Variants in FRY observed in about 807,000 individuals in gnomAD.
The protein encoded by FRY is protein furry homolog.
A neutral mutation model predicts 348.4 loss-of-function variants in FRY; 128 were observed. The ratio of observed to expected loss-of-function variants is 0.37; its 90% confidence interval spans 0.32 to 0.43. The LOEUF is 0.43. FRY is among the 20% of genes least tolerant of loss of function. The pLI, the probability that FRY is intolerant of heterozygous loss-of-function variation, is 1.00. For missense variants in FRY, 2,736 were observed against 3,695.2 expected, an observed-to-expected ratio of 0.74 and a Z score of 6.73; for synonymous variants, 1,370 against 1,374.7, an observed-to-expected ratio of 1.00 and a Z score of 0.08.
intron 35 of FRY, among the ~76,000 whole-genome samples, chr13:32,216,583 G>A (rs112344548): frequency 1.2e-4 from 19 of 152,202 alleles, no homozygotes; most frequent in South Asian, 2.1e-4. Flanking sequence ...CTCTCCACCC[G>A]ACGGAAACCT....
rs1172416401 is a variant in FRY, at chr13:32,296,201, G to T, written c.*741G>T. On this transcript the variant is annotated 3_prime_UTR_variant, in exon 61 of 61. Coordinates refer to ENST00000542859, the MANE Select transcript of FRY (RefSeq NM_023037.3). The stretch of plus-strand genomic sequence containing the variant: ...GATCTTGGCTGCTTTTTACTAGAAG[G>T]TTGCTTTTATGAGCATATTTATACT... 6.6e-6 allele frequency: 1 copy of T among 152,568 alleles called. No individual in the cohort carries two copies. Among genetic ancestry groups the T allele is most frequent in the East Asian group, 1.9e-4 (1 of 5,204 alleles). 9.5% of individuals were successfully genotyped at this position (152,568 alleles called of 1,614,324 possible).
intron 33 of FRY, 57 bp downstream of exon 33, chr13:32,209,788 A>G: frequency 1.3e-6 from 2 of 1,550,322 alleles, no homozygotes; most frequent in Non-Finnish European, 1.8e-6. Context: ...CCCATGTGCA[A>G]TTTGCAAGTC....
At chr13:32,135,473 GA>G (rs899409484) in intron 10 of FRY, among the ~76,000 whole-genome samples, 1 of 152,082 alleles carries the variant, frequency 6.6e-6, no homozygotes, top group Non-Finnish European at 1.5e-5. Context: ...TAATTTCTGA[GA>G]ACTTTTTTCC....
intron 1 of FRY, among the ~76,000 whole-genome samples, chr13:32,047,447 A>G (rs1873080878): frequency 6.6e-6 from 1 of 152,270 alleles, no homozygotes; most frequent in Admixed American, 6.5e-5. Context: ...GATATCCAAG[A>G]TAGAATGTGT....
At chr13:32,271,053 T>C (rs1888180677) in intron 55 of FRY, among the ~76,000 whole-genome samples, 2 of 152,188 alleles carry the variant, frequency 1.3e-5, no homozygotes, top group Admixed American at 1.3e-4. Flanking sequence ...TACCCAGATA[T>C]GCAGGTAGCA....
At chr13:32,180,344 C>G (rs1882626742) in intron 23 of FRY, among the ~76,000 whole-genome samples, 1 of 152,146 alleles carries the variant, frequency 6.6e-6, no homozygotes, top group Admixed American at 6.5e-5. Context: ...AAGCGATTCT[C>G]CTGCCTCAGC....
chr13:32,262,509 C>G (rs746470993), intron 53 of FRY, 34 bp downstream of exon 53: 1 of 1,504,222 alleles, frequency 6.6e-7, no homozygotes, highest in East Asian at 2.3e-5. Flanking sequence ...ATTTGTACTT[C>G]CCTTAAAACC....
At position 32,234,608 on chromosome 13, in the gene FRY, A is replaced by G. The variant is rs1480358917; in HGVS notation, c.5562A>G (p.Ala1854=). The G allele has an allele frequency of 3.1e-6, 5 of 1,614,046 alleles. No individual in the cohort carries two copies. Among genetic ancestry groups the G allele is most frequent in the African/African-American group, 2.7e-5 (2 of 74,916 alleles). ...TGGAGCACCAGTTGAGTGAAGTTGCATTGCAGACAGCCCTCGCAAGCTCTT... is the reference window on the plus strand; with the variant it reads ...TGGAGCACCAGTTGAGTGAAGTTGCGTTGCAGACAGCCCTCGCAAGCTCTT... The part of the protein sequence containing the change: ...FHLEHQLSEV[A]LQTALASSSR... The change falls in exon 42 of 61, where the codon GCA becomes GCG. Residue 1854 remains alanine, a synonymous_variant. Transcript: ENST00000542859.
intron 4 of FRY, among the ~76,000 whole-genome samples, chr13:32,119,996 T>C (rs575625507): frequency 2.4e-3 from 361 of 152,344 alleles, no homozygotes; most frequent in African/African-American, 8.1e-3. Context: ...ATATCTTAAA[T>C]ATCACATTAT....
At chr13:32,177,463 G>A (rs751309962) in intron 20 of FRY, among the ~76,000 whole-genome samples, 19 of 152,010 alleles carry the variant, frequency 1.2e-4, no homozygotes, top group Non-Finnish European at 2.2e-4. Flanking sequence ...GTGTGGTGGC[G>A]ATTGCCTGTA....
intron 55 of FRY, among the ~76,000 whole-genome samples, chr13:32,274,422 T>G (rs1380306320): frequency 2.0e-5 from 3 of 151,890 alleles, no homozygotes; most frequent in Non-Finnish European, 4.4e-5. Context: ...AGTAAAAAAA[T>G]CAGGGCCAGA....
chr13:32,187,756 A>G, intron 28 of FRY, 100 bp downstream of exon 28: 1 of 723,920 alleles, frequency 1.4e-6, no homozygotes, highest in Non-Finnish European at 2.6e-6. Context: ...ACCTCTTCAC[A>G]CATCAGCCAC....
intron 15 of FRY, 62 bp from the exon 16 acceptor site, chr13:32,157,211 A>C (rs181995207): frequency 6.7e-7 from 1 of 1,495,758 alleles, no homozygotes; most frequent in Admixed American, 1.7e-5. Context: ...TAGAGGATGA[A>C]TAAATCAGGA....
At chr13:32,220,396 A>G (rs1168780342) in intron 36 of FRY, among the ~76,000 whole-genome samples, 1 of 152,250 alleles carries the variant, frequency 6.6e-6, no homozygotes, top group Non-Finnish European at 1.5e-5. Flanking sequence ...ATGTCCCTAT[A>G]AAACCTTCAC....
intron 33 of FRY, 137 bp from the exon 34 acceptor site, chr13:32,210,729 A>G (rs141780387): frequency 2.7e-6 from 2 of 736,216 alleles, no homozygotes; most frequent in African/African-American, 1.7e-5. Flanking sequence ...GGTCCATCCT[A>G]GGATAGCACA....
chr13:32,168,752 C>A (rs757960315), intron 17 of FRY, among the ~76,000 whole-genome samples: 12 of 152,144 alleles, frequency 7.9e-5, no homozygotes, highest in Non-Finnish European at 1.5e-4. Flanking sequence ...TTCCCTGGCT[C>A]AGTGTAAATC....
chr13:32,262,432 C>A lies in FRY; in HGVS notation c.7736C>A (p.Ser2579Tyr). 6.2e-7 allele frequency: 1 copy of A among 1,613,730 alleles called. No individual in the cohort carries two copies. The highest frequency in any genetic ancestry group is 8.5e-7 in the Non-Finnish European group (1 of 1,179,682). ...ACCAGAATGTCCAGCTTTGATGCTT[C>A]CTTGCCTGATATGAATAATCTGCAG... ...FNTRMSSFDA[S>Y]LPDMNNLQIS... Residue 2579 changes from serine (S) to tyrosine (Y), a missense_variant, in exon 53 of 61, where the codon TCC becomes TAC. Ser to Tyr is a moderately radical substitution (Grantham distance 144, BLOSUM62 -2). Transcript: ENST00000542859.
At chr13:32,234,478 C>G in intron 41 of FRY, 96 bp from the exon 42 acceptor site, 1 of 1,039,166 alleles carries the variant, frequency 9.6e-7, no homozygotes, top group Non-Finnish European at 1.5e-6. Flanking sequence ...CAAGGTAGCC[C>G]TGTGCCGTTA....
At chr13:32,232,264 A>G (rs1885957582) in intron 41 of FRY, among the ~76,000 whole-genome samples, 1 of 152,264 alleles carries the variant, frequency 6.6e-6, no homozygotes, top group Non-Finnish European at 1.5e-5. Flanking sequence ...GAGAAAATGT[A>G]TAAATGCCTT....
Sources: allele counts gnomAD v4.1 joint callset (sites outside exome capture counted in the v4.1 genomes callset), GRCh38; gene constraint gnomAD v4.1.1; transcripts MANE v1.5; gene names NCBI Gene and HGNC (gene_info 2026-07-23, HGNC 2026-07-21).